The following CNTN4 variants were observed in gnomAD, a reference collection of about 807,000 sequenced individuals.
CNTN4 encodes contactin-4.
CNTN4 carries 77 observed loss-of-function variants against 122.5 expected under a neutral mutation model. That is an observed-to-expected ratio of 0.63 (90% confidence interval 0.52 to 0.76). The LOEUF (loss-of-function observed/expected upper bound fraction) is 0.76. CNTN4 is among the 30% of genes least tolerant of loss of function. CNTN4 has a pLI of 0.00. For missense variants in CNTN4, 1,256 were observed against 1,259.1 expected (o/e 1.00, Z 0.04); for synonymous variants, 512 against 447.0 (o/e 1.15, Z -1.83).
intron 8 of CNTN4, among the ~76,000 whole-genome samples, chr3:2,878,008 A>C: frequency 6.6e-6 from 1 of 152,218 alleles, no homozygotes. Flanking sequence ...TGTTGAAGAA[A>C]ATTGCTTCTC....
intron 12 of CNTN4, 29 bp downstream of exon 12, chr3:2,903,034 A>G: frequency 6.2e-7 from 1 of 1,608,988 alleles, no homozygotes; most frequent in Non-Finnish European, 8.5e-7. Context: ...AAGAAAAAAA[A>G]ATTAAAACTC....
intron 13 of CNTN4, among the ~76,000 whole-genome samples, chr3:2,986,587 A>T (rs746541465): frequency 1.8e-4 from 28 of 152,192 alleles, no homozygotes; most frequent in Non-Finnish European, 3.4e-4. Flanking sequence ...TTTGCAACCC[A>T]GCGCATTTAC....
At chr3:3,045,855 A>G (rs1482541207) in intron 23 of CNTN4, among the ~76,000 whole-genome samples, 2 of 152,192 alleles carry the variant, frequency 1.3e-5, no homozygotes, top group African/African-American at 4.8e-5. Context: ...GTTCGAACCC[A>G]TCCCAAAGAA....
intron 6 of CNTN4, among the ~76,000 whole-genome samples, chr3:2,806,618 G>A (rs1309822474): frequency 6.6e-6 from 1 of 152,204 alleles, no homozygotes; most frequent in Non-Finnish European, 1.5e-5. Flanking sequence ...CAGCAGCTTA[G>A]AAGTTTTGTT....
intron 2 of CNTN4, among the ~76,000 whole-genome samples, chr3:2,220,779 A>C (rs1001848270): frequency 6.6e-6 from 1 of 152,138 alleles, no homozygotes; most frequent in Admixed American, 6.5e-5. Flanking sequence ...TACCATCAAC[A>C]GATAGTAATA....
At chr3:2,569,445 C>A (rs956798369) in intron 3 of CNTN4, among the ~76,000 whole-genome samples, 2 of 152,096 alleles carry the variant, frequency 1.3e-5, no homozygotes, top group Admixed American at 6.5e-5. Context: ...AATATTGGGG[C>A]TCCCACAGTG....
chr3:2,675,248 C>T (rs2084780491), intron 4 of CNTN4, among the ~76,000 whole-genome samples: 1 of 151,996 alleles, frequency 6.6e-6, no homozygotes, highest in Non-Finnish European at 1.5e-5. Flanking sequence ...CTTCCATCTC[C>T]TCTCTTATCT....
chr3:2,327,534 G>A (rs1464073587), intron 2 of CNTN4, among the ~76,000 whole-genome samples: 7 of 152,098 alleles, frequency 4.6e-5, no homozygotes. Context: ...ACCAGGTCAT[G>A]CCTTATATTT....
At chr3:2,538,934 G>C (rs1042752839) in intron 3 of CNTN4, among the ~76,000 whole-genome samples, 5 of 151,554 alleles carry the variant, frequency 3.3e-5, no homozygotes, top group African/African-American at 4.8e-5. Flanking sequence ...TACCTTTATG[G>C]AATATTTGGA....
intron 3 of CNTN4, among the ~76,000 whole-genome samples, chr3:2,401,616 G>C (rs554362246): frequency 6.6e-6 from 1 of 152,186 alleles, no homozygotes; most frequent in East Asian, 1.9e-4. Flanking sequence ...GACAATCTGA[G>C]TAATTCAAGA....
At chr3:2,853,065 A>C (rs1352532387) in intron 7 of CNTN4, among the ~76,000 whole-genome samples, 1 of 152,158 alleles carries the variant, frequency 6.6e-6, no homozygotes, top group Admixed American at 6.5e-5. Context: ...GAACAATGGT[A>C]AGAAGGGGCC....
At chr3:2,955,403 A>C (rs2124917888) in intron 13 of CNTN4, among the ~76,000 whole-genome samples, 1 of 152,288 alleles carries the variant, frequency 6.6e-6, no homozygotes, top group Middle Eastern at 3.4e-3. Flanking sequence ...ACACAAACTC[A>C]TCTCTTCTAT....
At chr3:2,791,464 T>A (rs953032875) in intron 6 of CNTN4, among the ~76,000 whole-genome samples, 2 of 151,736 alleles carry the variant, frequency 1.3e-5, no homozygotes, top group African/African-American at 2.4e-5. Context: ...GCCCAGGAGG[T>A]TGAGGCTGCA....
intron 3 of CNTN4, among the ~76,000 whole-genome samples, chr3:2,528,223 A>G (rs1453009311): frequency 6.6e-6 from 1 of 152,138 alleles, no homozygotes; most frequent in South Asian, 2.1e-4. Context: ...TTCCCCATGG[A>G]TGTTGTAGTC....
chr3:2,237,345 C>G (rs2039723257), intron 2 of CNTN4, among the ~76,000 whole-genome samples: 1 of 151,998 alleles, frequency 6.6e-6, no homozygotes, highest in South Asian at 2.1e-4. Context: ...TGTGGTTACT[C>G]CTGTTTGTAG....
intron 13 of CNTN4, among the ~76,000 whole-genome samples, chr3:2,949,620 C>T (rs2094716835): frequency 6.6e-6 from 1 of 152,200 alleles, no homozygotes; most frequent in Admixed American, 6.5e-5. Context: ...CATTGGGTGG[C>T]AGCTCCCTGG....
chr3:2,691,453 A>G (rs191899079), intron 4 of CNTN4, among the ~76,000 whole-genome samples: 20 of 152,232 alleles, frequency 1.3e-4, no homozygotes, highest in African/African-American at 4.1e-4. Context: ...TTTACTCCCA[A>G]TGTGGAATAA....
chr3:2,997,356 T>C (rs1442337441), intron 14 of CNTN4, among the ~76,000 whole-genome samples: 1 of 152,198 alleles, frequency 6.6e-6, no homozygotes, highest in African/African-American at 2.4e-5. Context: ...TCCTTGTATG[T>C]TAGAGGTGGT....
At chr3:2,747,332 C>G (rs2089835804) in intron 6 of CNTN4, among the ~76,000 whole-genome samples, 1 of 151,442 alleles carries the variant, frequency 6.6e-6, no homozygotes, top group Non-Finnish European at 1.5e-5. Flanking sequence ...TGGCGGGAAC[C>G]CGGGAGGCGG....
Sources: allele counts gnomAD v4.1 joint callset (sites outside exome capture counted in the v4.1 genomes callset), GRCh38; gene constraint gnomAD v4.1.1; transcripts MANE v1.5; gene names NCBI Gene and HGNC (gene_info 2026-07-23, HGNC 2026-07-21).